The following ATP6V0D2 variants were observed in gnomAD, a reference collection of about 807,000 sequenced individuals.
ATP6V0D2 encodes the protein ATPase H+ transporting V0 subunit d2.
Under a neutral mutation model 40.0 loss-of-function variants are expected in ATP6V0D2, and 40 were observed. The ratio of observed to expected loss-of-function variants is 1.00; its 90% CI spans 0.78 to 1.30. The LOEUF is 1.30. Among genes scored for constraint, ATP6V0D2 ranks in the 50% most tolerant of loss-of-function variants. The pLI is 0.00. For synonymous variants in ATP6V0D2, 179 were observed against 156.3 expected (o/e 1.15, Z -1.08); for missense variants, 470 against 423.1 (o/e 1.11, Z -0.97).
chr8:86,131,824 C>CA (rs1399851279), intron 2 of ATP6V0D2, among the ~76,000 whole-genome samples: 1 of 151,958 alleles, frequency 6.6e-6, no homozygotes, highest in Admixed American at 6.6e-5. Flanking sequence ...AAAACATATG[C>CA]AAAAATTGAA....
intron 5 of ATP6V0D2, among the ~76,000 whole-genome samples, chr8:86,149,378 A>G (rs1301193999): frequency 6.6e-6 from 1 of 152,184 alleles, no homozygotes; most frequent in Non-Finnish European, 1.5e-5. Flanking sequence ...TGATGAAGGG[A>G]TACGAGCCCA....
chr8:86,151,755 CTTT>C (rs564476016), intron 7 of ATP6V0D2, among the ~76,000 whole-genome samples: 2,667 of 85,496 alleles, frequency 0.031, 72 homozygotes, highest in African/African-American at 0.08. Context: ...GCTTTTCTTT[CTTT>C]TTTTTTTTTT....
chr8:86,104,831 C>T (rs936583731), intron 1 of ATP6V0D2, among the ~76,000 whole-genome samples: 6 of 113,320 alleles, frequency 5.3e-5, no homozygotes, highest in Non-Finnish European at 1.2e-4. Context: ...ATATCCAATT[C>T]TCTCCTGTTT....
intron 1 of ATP6V0D2, among the ~76,000 whole-genome samples, chr8:86,103,648 AG>A (rs1196278973): frequency 6.6e-6 from 1 of 152,270 alleles, no homozygotes; most frequent in Non-Finnish European, 1.5e-5. Flanking sequence ...TGCCCTAAAA[AG>A]GATCCTACCT....
chr8:86,100,201 T>C (rs1818377498), intron 1 of ATP6V0D2, among the ~76,000 whole-genome samples: 1 of 151,910 alleles, frequency 6.6e-6, no homozygotes, highest in Non-Finnish European at 1.5e-5. Context: ...AAGTGGAAAT[T>C]GTCTCTAAAC....
intron 5 of ATP6V0D2, among the ~76,000 whole-genome samples, chr8:86,148,609 T>C (rs544547837): frequency 3.6e-4 from 55 of 152,260 alleles, no homozygotes; most frequent in Non-Finnish European, 1.9e-4. Context: ...GACTCTGCAC[T>C]TCTAATGAGT....
intron 1 of ATP6V0D2, 107 bp downstream of exon 1, chr8:86,099,215 T>A: frequency 8.0e-7 from 1 of 1,247,698 alleles, no homozygotes; most frequent in Non-Finnish European, 1.1e-6. Context: ...GGTTTGAGAG[T>A]TCTGAGCAGA....
chr8:86,147,181 A>G (rs898464807), intron 5 of ATP6V0D2, among the ~76,000 whole-genome samples: 3 of 152,068 alleles, frequency 2.0e-5, no homozygotes, highest in Non-Finnish European at 4.4e-5. Context: ...GCTCCATTCC[A>G]GTTCACTTCA....
chr8:86,127,159 A>G (rs1311701389), intron 2 of ATP6V0D2, among the ~76,000 whole-genome samples: 7 of 152,198 alleles, frequency 4.6e-5, no homozygotes, highest in Non-Finnish European at 5.9e-5. Flanking sequence ...TAAGAGAGAG[A>G]AGAATGTTTA....
intron 5 of ATP6V0D2, among the ~76,000 whole-genome samples, chr8:86,148,377 C>T (rs1819099398): frequency 6.6e-6 from 1 of 152,178 alleles, no homozygotes; most frequent in African/African-American, 2.4e-5. Flanking sequence ...TCAACAGGGT[C>T]AGATGGAACT....
At chr8:86,134,473 C>A (rs974158233) in intron 2 of ATP6V0D2, among the ~76,000 whole-genome samples, 3 of 152,130 alleles carry the variant, frequency 2.0e-5, no homozygotes, top group Non-Finnish European at 2.9e-5. Flanking sequence ...AAGCAAAAAT[C>A]ATTACTCTGT....
At chr8:86,135,180 T>C (rs985027546) in intron 2 of ATP6V0D2, among the ~76,000 whole-genome samples, 1 of 152,208 alleles carries the variant, frequency 6.6e-6, no homozygotes, top group Non-Finnish European at 1.5e-5. Flanking sequence ...CTATTGCTAA[T>C]GACACTGAAG....
chr8:86,152,935 GA>G lies in ATP6V0D2; in HGVS notation c.1012del (p.Arg338GlyfsTer25). ...IVWIAECISQ[R>X]HRTKINSYIP... ...TGTGGATAGCAGAATGTATTTCACA[GA>G]GGCATCGAACTAAAATCAACAGTTA... On this transcript the variant is annotated frameshift_variant, in exon 8 of 8. Coordinates refer to ENST00000285393, the MANE Select transcript of ATP6V0D2 (RefSeq NM_152565.1). LOFTEE classifies it high-confidence loss of function. 1.2e-6 allele frequency: 2 copies of G among 1,610,092 alleles called. No individual in the cohort carries two copies. The highest frequency in any genetic ancestry group is 1.7e-6 in the Non-Finnish European group (2 of 1,178,600).
intron 1 of ATP6V0D2, among the ~76,000 whole-genome samples, chr8:86,100,507 C>T (rs1818383004): frequency 6.6e-6 from 1 of 152,102 alleles, no homozygotes; most frequent in Admixed American, 6.6e-5. Flanking sequence ...ATAGTTCTGA[C>T]CAGTTAAAGC....
intron 5 of ATP6V0D2, among the ~76,000 whole-genome samples, chr8:86,144,840 TA>T (rs138382034): frequency 0.12 from 18,513 of 151,512 alleles, 1,262 homozygotes; most frequent in Non-Finnish European, 0.15. Flanking sequence ...CTAAGTGTTT[TA>T]TTTTTTAAAA....
chr8:86,113,945 C>A, intron 2 of ATP6V0D2, 65 bp downstream of exon 2: 1 of 1,448,604 alleles, frequency 6.9e-7, no homozygotes, highest in Non-Finnish European at 9.3e-7. Flanking sequence ...CTAACAATTA[C>A]AGGGTGGGTA....
At chr8:86,151,679 A>T in intron 7 of ATP6V0D2, 139 bp downstream of exon 7, 1 of 608,374 alleles carries the variant, frequency 1.6e-6, no homozygotes, top group Non-Finnish European at 2.9e-6. Context: ...TCAGTGATGT[A>T]TTATTGCTAC....
chr8:86,123,402 G>A (rs1046913060), intron 2 of ATP6V0D2, among the ~76,000 whole-genome samples: 3 of 151,940 alleles, frequency 2.0e-5, no homozygotes, highest in South Asian at 2.1e-4. Context: ...CTCCTGCTTC[G>A]CAAAGTGAGG....
intron 2 of ATP6V0D2, among the ~76,000 whole-genome samples, chr8:86,116,882 A>G (rs1414511025): frequency 6.6e-6 from 1 of 152,154 alleles, no homozygotes; most frequent in East Asian, 1.9e-4. Flanking sequence ...CATTACCAAC[A>G]TTGGATATTT....
Sources: gnomAD v4.1 joint callset for allele counts (sites outside exome capture counted in the v4.1 genomes callset) on GRCh38, gnomAD v4.1.1 for gene constraint, MANE v1.5 for transcripts, NCBI Gene and HGNC (gene_info 2026-07-23, HGNC 2026-07-21) for gene names.